The following PALM2AKAP2 variants were observed in gnomAD, a reference collection of about 807,000 sequenced individuals.
PALM2AKAP2 encodes the protein PALM2-AKAP2 fusion protein.
A neutral mutation model predicts 71.5 loss-of-function variants in PALM2AKAP2; 37 were observed. The ratio of observed to expected loss-of-function variants is 0.52; its 90% confidence interval spans 0.40 to 0.68. The LOEUF (loss-of-function observed/expected upper bound fraction) is 0.68. PALM2AKAP2 is among the 30% of genes least tolerant of loss of function. The pLI is 0.00. For missense variants in PALM2AKAP2, 1,224 were observed against 1,191.8 expected (o/e 1.03, Z -0.40); for synonymous variants, 468 against 478.8 (o/e 0.98, Z 0.29).
chr9:110,162,922 G>C (rs1836638926), intron 3 of PALM2AKAP2, among the ~76,000 whole-genome samples: 2 of 151,696 alleles, frequency 1.3e-5, no homozygotes, highest in African/African-American at 4.8e-5. Context: ...ATGTTGCCCA[G>C]GCTGGTCTCA....
chr9:110,013,177 C>A lies in PALM2AKAP2; in HGVS notation c.497-2777C>A, dbSNP rs559222303. Among the ~76,000 whole-genome samples the A allele has an allele frequency of 3.3e-5, 5 of 152,300 alleles. No homozygotes were observed. In the South Asian group the frequency reaches 1.0e-3, roughly 32 times the overall value. On this transcript the variant is annotated intron_variant, in intron 6 of 9. Transcript: ENST00000302798. Reference sequence around the variant, plus strand: ...CTGACTGGGGCTTGTCCTTCTCATGCTGTAGCAGAGTGCAAGCCTCACCTC... The same window carrying A: ...CTGACTGGGGCTTGTCCTTCTCATGATGTAGCAGAGTGCAAGCCTCACCTC...
intron 4 of PALM2AKAP2, 123 bp from the exon 5 acceptor site, chr9:109,924,938 C>G (rs1830917728): frequency 2.8e-6 from 4 of 1,436,716 alleles, no homozygotes; most frequent in Non-Finnish European, 3.9e-6. Flanking sequence ...TGCGTTTCCC[C>G]AGCACAGTCA....
At chr9:110,162,395 C>T (rs1050042419) in intron 3 of PALM2AKAP2, among the ~76,000 whole-genome samples, 5 of 152,040 alleles carry the variant, frequency 3.3e-5, no homozygotes, top group South Asian at 4.2e-4. Flanking sequence ...TGCCTGCTCA[C>T]GAATCTTGAA....
At chr9:109,805,343 A>C (rs972335551) in intron 1 of PALM2AKAP2, among the ~76,000 whole-genome samples, 2 of 152,240 alleles carry the variant, frequency 1.3e-5, no homozygotes, top group Non-Finnish European at 2.9e-5. Context: ...AGGTGGGCTG[A>C]TAACTTTCCA....
At chr9:110,157,390 T>TTTC (rs1554758177) in intron 3 of PALM2AKAP2, among the ~76,000 whole-genome samples, 1 of 149,692 alleles carries the variant, frequency 6.7e-6, no homozygotes, top group East Asian at 2.0e-4. Flanking sequence ...CTTCAACTCT[T>TTTC]TTGTTGTTGT....
intron 3 of PALM2AKAP2, among the ~76,000 whole-genome samples, chr9:109,886,415 T>C (rs10980109): frequency 0.34 from 52,007 of 152,160 alleles, 9,226 homozygotes; most frequent in Non-Finnish European, 0.39. Context: ...TTCACTGGGT[T>C]TTACTAAAGT....
At chr9:110,049,856 GGCGTGCA>G (rs1833676655) in intron 1 of PALM2AKAP2, among the ~76,000 whole-genome samples, 2 of 152,248 alleles carry the variant, frequency 1.3e-5, no homozygotes, top group African/African-American at 4.8e-5. Flanking sequence ...AGGGCGAGGC[GGCGTGCA>G]GCCGGGCTGC....
chr9:109,936,863 A>G (rs573895299), intron 6 of PALM2AKAP2, among the ~76,000 whole-genome samples: 24 of 152,266 alleles, frequency 1.6e-4, no homozygotes, highest in Middle Eastern at 3.4e-3. Context: ...TATATTTTAG[A>G]TGTGGGCTCT....
In PALM2AKAP2 at chr9:109,843,301, CAAAAAAAAA is replaced by C. The variant is rs35634219; in HGVS notation, c.46-24175_46-24167del. On this transcript the variant is annotated intron_variant, in intron 1 of 9. Coordinates refer to the PALM2AKAP2 transcript ENST00000302798. ...TGGGCCACAGAGTGAGCCCCTGTCT[CAAAAAAAAA>C]AAAAAAAAAAAAAAGAAGAAGACTT... Among the ~76,000 whole-genome samples, 239 of 66,988 alleles carry C rather than the reference CAAAAAAAAA, an allele frequency of 3.6e-3. 1 individual carries two copies. Among genetic ancestry groups the C allele is most frequent in the Non-Finnish European group, 5.2e-3 (201 of 38,704 alleles). The allele number at this position is 66,988 out of a possible 152,430, so 43.9% of individuals were successfully genotyped here.
intron 1 of PALM2AKAP2, among the ~76,000 whole-genome samples, chr9:109,811,765 G>A (rs1331138172): frequency 6.6e-6 from 1 of 152,042 alleles, no homozygotes; most frequent in Non-Finnish European, 1.5e-5. Context: ...TAGAGACGGT[G>A]GCTTGCTATG....
rs1828531458 is a variant in PALM2AKAP2, at chr9:109,838,045, A to G, written c.46-29446A>G. Among the ~76,000 whole-genome samples, 4 of 131,268 alleles carry G rather than the reference A, an allele frequency of 3.0e-5. No homozygotes were observed. In the Admixed American group the frequency reaches 3.3e-4, roughly 11 times the overall value. 86.1% of individuals were successfully genotyped at this position (131,268 alleles called of 152,430 possible). On this transcript the variant is annotated intron_variant, in intron 1 of 9. Transcript: ENST00000302798. ...AAGCGGACCTAATAGACATCTACAG[A>G]ACTCTCCACCCCAAATCAACAGAAT... is the stretch of plus-strand genomic sequence containing the variant.
chr9:109,839,637 C>T (rs1463176406), intron 1 of PALM2AKAP2, among the ~76,000 whole-genome samples: 1 of 152,148 alleles, frequency 6.6e-6, no homozygotes, highest in African/African-American at 2.4e-5. Context: ...TTAGAAAACC[C>T]CAAATCTCCT....
intron 1 of PALM2AKAP2, among the ~76,000 whole-genome samples, chr9:109,768,238 TG>T (rs979045199): frequency 7.9e-5 from 12 of 151,174 alleles, no homozygotes; most frequent in Admixed American, 5.9e-4. Context: ...GAAGGAAGGA[TG>T]GGGGAGTCAG....
intron 1 of PALM2AKAP2, among the ~76,000 whole-genome samples, chr9:109,830,312 G>C (rs1297237970): frequency 2.6e-5 from 4 of 152,200 alleles, no homozygotes; most frequent in African/African-American, 9.6e-5. Context: ...AAAATTCATT[G>C]TCCAAATAGA....
chr9:110,004,809 A>G (rs981211338), intron 6 of PALM2AKAP2, among the ~76,000 whole-genome samples: 5 of 152,142 alleles, frequency 3.3e-5, no homozygotes, highest in Non-Finnish European at 2.9e-5. Context: ...CCTTTCTTCC[A>G]GTTGATCGAA....
At chr9:109,844,964 T>TGCACACACGCATGCAC (rs1233755518) in intron 1 of PALM2AKAP2, among the ~76,000 whole-genome samples, 8 of 148,008 alleles carry the variant, frequency 5.4e-5, no homozygotes, top group African/African-American at 2.1e-4. Context: ...TGTGTGCATG[T>TGCACACACGCATGCAC]GCACACACGC....
rs1564299386 is a variant in PALM2AKAP2, at chr9:110,091,405, T to TTGGG, written c.156+42550_156+42551insTGGG. On this transcript the variant is annotated intron_variant, in intron 1 of 3. Transcript: ENST00000374525. ...CTTTTCTGATCCTTGGTGGTTGGGG[T>TTGGG]GTGTGTGTGTGTGTGTGTCTGTGTG... Among the ~76,000 whole-genome samples the TTGGG allele has an allele frequency of 5.0e-4, 10 of 19,948 alleles. No individual in the cohort carries two copies. In the East Asian group the frequency reaches 7.8e-3, roughly 16 times the overall value. 13.1% of individuals were successfully genotyped at this position (19,948 alleles called of 152,430 possible).
intron 1 of PALM2AKAP2, among the ~76,000 whole-genome samples, chr9:109,791,796 A>G (rs1412874175): frequency 1.3e-5 from 2 of 152,234 alleles, no homozygotes; most frequent in Admixed American, 6.5e-5. Context: ...ATTTGAGCCC[A>G]GGGTCTCCTG....
At chr9:109,652,179 A>T (rs1827235028) in intron 1 of PALM2AKAP2, among the ~76,000 whole-genome samples, 1 of 152,198 alleles carries the variant, frequency 6.6e-6, no homozygotes. Flanking sequence ...ACTGACTTTT[A>T]TATAGTATTT....
Sources: allele counts gnomAD v4.1 joint callset (sites outside exome capture counted in the v4.1 genomes callset), GRCh38; gene constraint gnomAD v4.1.1; transcripts MANE v1.5; gene names NCBI Gene and HGNC (gene_info 2026-07-23, HGNC 2026-07-21).